CTNNA3: variants seen among roughly 807,000 people sequenced by gnomAD.
CTNNA3 encodes catenin alpha 3.
A neutral mutation model predicts 95.7 loss-of-function variants in CTNNA3; 76 were observed. The ratio of observed to expected loss-of-function variants is 0.79; its 90% CI spans 0.66 to 0.96. CTNNA3 has a LOEUF of 0.96. CTNNA3 is among the 40% of genes least tolerant of loss of function. The pLI is 0.00. For synonymous variants in CTNNA3, 431 were observed against 374.4 expected (o/e 1.15, Z -1.74); for missense variants, 1,191 against 1,089.8 (o/e 1.09, Z -1.31).
chr10:66,215,085 C>A (rs1468755876), intron 13 of CTNNA3, among the ~76,000 whole-genome samples: 2 of 151,962 alleles, frequency 1.3e-5, no homozygotes, highest in Non-Finnish European at 2.9e-5. Context: ...TGATTTCAGT[C>A]CTCATTGGAA....
chr10:66,683,677 A>G (rs1847146793), intron 9 of CTNNA3, among the ~76,000 whole-genome samples: 1 of 152,192 alleles, frequency 6.6e-6, no homozygotes, highest in Non-Finnish European at 1.5e-5. Flanking sequence ...AATAAGCATC[A>G]CACTATGAGA....
At chr10:66,636,291 T>C (rs1287903187) in intron 9 of CTNNA3, among the ~76,000 whole-genome samples, 1 of 152,088 alleles carries the variant, frequency 6.6e-6, no homozygotes, top group Non-Finnish European at 1.5e-5. Flanking sequence ...GGGCATAAGC[T>C]ATTACAGGTT....
Position 67,294,008 on chromosome 10 carries a change from T to A in CTNNA3, c.580-74138A>T, listed in dbSNP as rs548592232. Among the ~76,000 whole-genome samples the A allele has an allele frequency of 2.5e-4, 38 of 152,240 alleles. No homozygotes were observed. The South Asian group carries it at 7.5e-3, about 30-fold the overall frequency. ...AATTACACATTTTAAGTGCTCTAGG[T>A]TCAATTGGCTCTGAGCATGGTAAAC... is the stretch of plus-strand genomic sequence containing the variant. On this transcript the variant is annotated intron_variant, in intron 5 of 17. Coordinates refer to ENST00000433211, the MANE Select transcript of CTNNA3 (RefSeq NM_013266.4).
At chr10:66,199,697 G>A (rs1453434629) in intron 13 of CTNNA3, among the ~76,000 whole-genome samples, 3 of 139,836 alleles carry the variant, frequency 2.1e-5, no homozygotes, top group Non-Finnish European at 4.5e-5. Flanking sequence ...CGCCTCCCGG[G>A]TTCAAGTGAT....
intron 5 of CTNNA3, among the ~76,000 whole-genome samples, chr10:67,286,536 GCACAGAGTTGA>G: frequency 6.6e-6 from 1 of 152,304 alleles, no homozygotes; most frequent in Admixed American, 6.5e-5. Flanking sequence ...TAAATAGCTG[GCACAGAGTTGA>G]CACTTGATGA....
chr10:67,566,938 A>G (rs10997723), intron 3 of CTNNA3, among the ~76,000 whole-genome samples: 59,249 of 148,894 alleles, frequency 0.4, 14,974 homozygotes, highest in African/African-American at 0.69. Context: ...ACCAAACACC[A>G]CATGTTCTCA....
At chr10:67,178,104 T>G (rs1862331606) in intron 7 of CTNNA3, among the ~76,000 whole-genome samples, 1 of 152,088 alleles carries the variant, frequency 6.6e-6, no homozygotes, top group African/African-American at 2.4e-5. Flanking sequence ...TCCGAGTGAC[T>G]TCCTGGGATA....
chr10:66,731,789 G>A (rs1000721078), intron 9 of CTNNA3, among the ~76,000 whole-genome samples: 1 of 152,090 alleles, frequency 6.6e-6, no homozygotes, highest in Non-Finnish European at 1.5e-5. Flanking sequence ...ACCAACAATG[G>A]TTTATTGAGG....
chr10:67,156,614 A>ATTTAG (rs1352217219), intron 7 of CTNNA3, among the ~76,000 whole-genome samples: 2 of 151,920 alleles, frequency 1.3e-5, no homozygotes, highest in Non-Finnish European at 2.9e-5. Context: ...AATATTTAAT[A>ATTTAG]TTTAGTTTCA....
intron 11 of CTNNA3, among the ~76,000 whole-genome samples, chr10:66,464,804 T>C (rs1302259276): frequency 6.6e-6 from 1 of 151,642 alleles, no homozygotes; most frequent in Non-Finnish European, 1.5e-5. Flanking sequence ...AAAATAAGAT[T>C]ATTAAACTGG....
chr10:66,628,917 T>G lies in CTNNA3; in HGVS notation c.1282-7133A>C, dbSNP rs1018776642. On this transcript the variant is annotated intron_variant, in intron 9 of 17. Coordinates refer to ENST00000433211, the MANE Select transcript of CTNNA3 (RefSeq NM_013266.4). ...TACAGTAGAGATATTAATTAAGAAGTTACTAGTTTATTGATGGTAATTAGA... is the reference window on the plus strand; with the variant it reads ...TACAGTAGAGATATTAATTAAGAAGGTACTAGTTTATTGATGGTAATTAGA... 4.6e-5 allele frequency among the ~76,000 whole-genome samples: 7 copies of G among 152,132 alleles called. No individual in the cohort carries two copies. In the East Asian group the frequency reaches 1.4e-3, roughly 29 times the overall value.
At chr10:66,722,643 TC>T (rs1166599274) in intron 9 of CTNNA3, among the ~76,000 whole-genome samples, 3 of 151,522 alleles carry the variant, frequency 2.0e-5, no homozygotes, top group Non-Finnish European at 4.4e-5. Context: ...GTTCACTTTT[TC>T]CATTGACCCT....
chr10:66,296,272 G>A lies in CTNNA3; in HGVS notation c.1733-15651C>T, dbSNP rs533653379. Among the ~76,000 whole-genome samples the A allele has an allele frequency of 7.2e-5, 11 of 152,086 alleles. No homozygotes were observed. In the East Asian group the frequency reaches 1.9e-3, roughly 27 times the overall value. ...TGTCAGAATATTTCATGACTTTGAT[G>A]GGATAAAAGTAAAACTATATGATTT... On this transcript the variant is annotated intron_variant, in intron 12 of 17. Transcript: ENST00000433211.
chr10:66,204,308 C>G (rs545519882), intron 13 of CTNNA3, among the ~76,000 whole-genome samples: 22 of 152,224 alleles, frequency 1.4e-4, no homozygotes, highest in Admixed American at 5.2e-4. Flanking sequence ...AGTCTCTCCC[C>G]TCTCCCTTAC....
chr10:67,260,384 T>C (rs1422725904), intron 5 of CTNNA3, among the ~76,000 whole-genome samples: 2 of 152,208 alleles, frequency 1.3e-5, no homozygotes, highest in South Asian at 2.1e-4. Flanking sequence ...TCTTTGTAAG[T>C]AGTCCTAATG....
chr10:66,588,827 A>G (rs1380448477), intron 10 of CTNNA3, among the ~76,000 whole-genome samples: 1 of 152,124 alleles, frequency 6.6e-6, no homozygotes, highest in Non-Finnish European at 1.5e-5. Context: ...TTGAGGATGG[A>G]CAAGGCAAAA....
At chr10:67,716,935 C>G (rs923092504) in intron 1 of CTNNA3, among the ~76,000 whole-genome samples, 6 of 152,176 alleles carry the variant, frequency 3.9e-5, no homozygotes, top group African/African-American at 9.7e-5. Flanking sequence ...TACACTCCCA[C>G]CAACAGTGTA....
At chr10:66,592,751 C>T (rs530976503) in intron 10 of CTNNA3, among the ~76,000 whole-genome samples, 1 of 152,032 alleles carries the variant, frequency 6.6e-6, no homozygotes, top group African/African-American at 2.4e-5. Context: ...ATACAGAAAG[C>T]AATAGCAGCC....
intron 5 of CTNNA3, among the ~76,000 whole-genome samples, chr10:67,273,675 G>T (rs913118686): frequency 9.9e-5 from 15 of 152,016 alleles, no homozygotes; most frequent in Admixed American, 2.0e-4. Flanking sequence ...AAATGCCCAG[G>T]TGTCAAAAAA....
Sources: gnomAD v4.1 joint callset for allele counts (sites outside exome capture counted in the v4.1 genomes callset) on GRCh38, gnomAD v4.1.1 for gene constraint, MANE v1.5 for transcripts, NCBI Gene and HGNC (gene_info 2026-07-23, HGNC 2026-07-21) for gene names.